IQCM: variants seen among roughly 807,000 people sequenced by gnomAD.
IQCM encodes the protein IQ domain-containing protein M.
In IQCM, 45 loss-of-function variants were observed where a neutral mutation model predicts 57.6. That is an observed-to-expected ratio of 0.78 (90% CI 0.62 to 1.00). The LOEUF (loss-of-function observed/expected upper bound fraction) is 1.00, where lower values mean the gene tolerates loss of function less well. Ranked by LOEUF, IQCM falls within the 50% of genes least tolerant of loss-of-function variation. IQCM has a pLI of 0.00. For synonymous variants in IQCM, 148 were observed against 158.9 expected (o/e 0.93, Z 0.51); for missense variants, 468 against 511.6 (o/e 0.91, Z 0.82).
intron 5 of IQCM, among the ~76,000 whole-genome samples, chr4:149,713,235 A>G (rs1764712579): frequency 6.6e-6 from 1 of 152,166 alleles, no homozygotes; most frequent in Admixed American, 6.5e-5. Context: ...CCTGTGATTC[A>G]TCGATACTAC....
intron 13 of IQCM, among the ~76,000 whole-genome samples, chr4:149,429,710 T>C (rs1734692315): frequency 6.6e-6 from 1 of 151,896 alleles, no homozygotes; most frequent in African/African-American, 2.4e-5. Flanking sequence ...CTATCTTCCC[T>C]AAAATGTTTA....
intron 12 of IQCM, among the ~76,000 whole-genome samples, chr4:149,519,133 G>A (rs906848327): frequency 5.9e-5 from 9 of 152,042 alleles, no homozygotes; most frequent in Non-Finnish European, 1.0e-4. Flanking sequence ...TTTCTGAATC[G>A]AGTAAAAGCA....
At chr4:149,647,238 TG>T (rs1271253249) in intron 7 of IQCM, among the ~76,000 whole-genome samples, 3 of 152,200 alleles carry the variant, frequency 2.0e-5, no homozygotes, top group Non-Finnish European at 4.4e-5. Context: ...TTAACTTATA[TG>T]TTAATGCATA....
intron 7 of IQCM, among the ~76,000 whole-genome samples, chr4:149,652,728 A>C (rs1759306131): frequency 6.6e-6 from 1 of 152,130 alleles, no homozygotes; most frequent in African/African-American, 2.4e-5. Flanking sequence ...ATAAAGGAAG[A>C]GCTTAAAAGG....
At chr4:149,531,275 G>A (rs1185475927) in intron 12 of IQCM, among the ~76,000 whole-genome samples, 8 of 152,162 alleles carry the variant, frequency 5.3e-5, no homozygotes, top group Non-Finnish European at 1.5e-5. Context: ...TGTATGGTAC[G>A]CCAGTTCTGA....
chr4:149,390,093 A>C (rs939653500), intron 13 of IQCM, among the ~76,000 whole-genome samples: 5 of 152,042 alleles, frequency 3.3e-5, no homozygotes, highest in African/African-American at 1.2e-4. Context: ...ATCTGTAAAC[A>C]TGAGATGTTT....
intron 12 of IQCM, among the ~76,000 whole-genome samples, chr4:149,461,233 CAAAAAAA>C (rs61429806): frequency 4.6e-4 from 33 of 71,918 alleles, no homozygotes; most frequent in African/African-American, 1.6e-3. Context: ...AACTCCATCT[CAAAAAAA>C]AAAAAAAAAA....
intron 13 of IQCM, 133 bp from the exon 14 acceptor site, chr4:149,352,199 G>A (rs1728628208): frequency 2.0e-5 from 8 of 392,750 alleles, no homozygotes; most frequent in Non-Finnish European, 3.6e-5. Context: ...GACTGGACTT[G>A]GGCTCATTTC....
chr4:149,485,206 C>T (rs1303754023), intron 12 of IQCM, among the ~76,000 whole-genome samples: 3 of 151,912 alleles, frequency 2.0e-5, no homozygotes, highest in African/African-American at 7.3e-5. Flanking sequence ...GTTAAATCTG[C>T]TTGGTGTTCT....
chr4:149,543,934 A>G (rs1255641494), intron 12 of IQCM, among the ~76,000 whole-genome samples: 2 of 152,152 alleles, frequency 1.3e-5, no homozygotes, highest in African/African-American at 4.8e-5. Flanking sequence ...AGTCTAAAAA[A>G]TTGTTCCAGG....
chr4:149,363,913 G>A (rs1176431837), intron 13 of IQCM, among the ~76,000 whole-genome samples: 1 of 152,048 alleles, frequency 6.6e-6, no homozygotes, highest in Non-Finnish European at 1.5e-5. Flanking sequence ...AAAACATAAA[G>A]CATAAACAAC....
At chr4:149,477,989 A>G (rs1740381892) in intron 12 of IQCM, among the ~76,000 whole-genome samples, 1 of 152,172 alleles carries the variant, frequency 6.6e-6, no homozygotes, top group Non-Finnish European at 1.5e-5. Flanking sequence ...CTTAAGCTCT[A>G]TGTTTCTGTT....
chr4:149,806,561 A>T (rs1045000361), intron 2 of IQCM, among the ~76,000 whole-genome samples: 2 of 151,968 alleles, frequency 1.3e-5, no homozygotes, highest in Non-Finnish European at 2.9e-5. Flanking sequence ...GCCCCTACAT[A>T]TGAGTAGGAA....
At chr4:149,726,311 T>A in intron 5 of IQCM, among the ~76,000 whole-genome samples, 1 of 152,214 alleles carries the variant, frequency 6.6e-6, no homozygotes, top group East Asian at 1.9e-4. Flanking sequence ...GAAAAAAAAA[T>A]TGAAGTAATC....
At chr4:149,408,722 A>T (rs1034230805) in intron 13 of IQCM, among the ~76,000 whole-genome samples, 1 of 152,162 alleles carries the variant, frequency 6.6e-6, no homozygotes, top group Non-Finnish European at 1.5e-5. Flanking sequence ...GGTAAAAAAA[A>T]TTATCATTTG....
chr4:149,663,508 G>T (rs1325298005), intron 7 of IQCM, among the ~76,000 whole-genome samples: 2 of 151,990 alleles, frequency 1.3e-5, no homozygotes, highest in African/African-American at 4.8e-5. Flanking sequence ...GCTTTTGCTT[G>T]TCTGGGAAGA....
intron 13 of IQCM, among the ~76,000 whole-genome samples, chr4:149,367,867 C>A (rs967279567): frequency 4.6e-5 from 7 of 152,028 alleles, no homozygotes; most frequent in Admixed American, 6.6e-5. Context: ...AGCTGTCAAT[C>A]TCACTGTGTT....
chr4:149,685,252 T>C (rs1030212650), intron 6 of IQCM, among the ~76,000 whole-genome samples: 1 of 151,548 alleles, frequency 6.6e-6, no homozygotes, highest in African/African-American at 2.4e-5. Context: ...GACTTGAAAT[T>C]CTAAACAATT....
chr4:149,763,909 C>T (rs976731787), intron 2 of IQCM, among the ~76,000 whole-genome samples: 1 of 151,710 alleles, frequency 6.6e-6, no homozygotes, highest in African/African-American at 2.4e-5. Context: ...ACAGAAAACA[C>T]TTGGTGATCT....
Sources: gnomAD v4.1 joint callset for allele counts (sites outside exome capture counted in the v4.1 genomes callset) on GRCh38, gnomAD v4.1.1 for gene constraint, MANE v1.5 for transcripts, NCBI Gene and HGNC (gene_info 2026-07-23, HGNC 2026-07-21) for gene names.